Variants in SBF1 observed in about 807,000 individuals in gnomAD.
The protein encoded by SBF1 is myotubularin-related protein 5.
SBF1 carries 65 observed loss-of-function variants against 215.8 expected under a neutral mutation model. The ratio of observed to expected loss-of-function variants is 0.30; its 90% confidence interval spans 0.25 to 0.37. SBF1 has a LOEUF of 0.37. Among genes scored for constraint, SBF1 ranks in the 10% least tolerant of loss-of-function variants. SBF1 has a pLI of 1.00. For synonymous variants in SBF1, 1,410 were observed against 1,122.8 expected, an observed-to-expected ratio of 1.26 and a Z score of -5.11; for missense variants, 2,634 against 2,667.8, an observed-to-expected ratio of 0.99 and a Z score of 0.28.
intron 1 of SBF1, 112 bp downstream of exon 1, chr22:50,474,674 A>G: frequency 6.3e-6 from 3 of 475,356 alleles, no homozygotes; most frequent in Non-Finnish European, 8.7e-6. Context: ...CTCCCGACCC[A>G]GCCCCCAGCC....
chr22:50,459,455 G>A lies in SBF1; in HGVS notation c.3688+15C>T. On this transcript the variant is annotated intron_variant, in intron 27 of 40. Transcript: ENST00000380817. ...GATAGGGCAGGGCAGGCACAGGGCAGGACGCAGGAGGTACCTGGAGAAGGT... is the reference window on the plus strand; with the variant it reads ...GATAGGGCAGGGCAGGCACAGGGCAAGACGCAGGAGGTACCTGGAGAAGGT... The A allele has an allele frequency of 6.2e-7, 1 of 1,611,472 alleles. No individual in the cohort carries two copies. The highest frequency in any genetic ancestry group is 2.2e-5 in the East Asian group (1 of 44,878).
Position 50,467,801 on chromosome 22 carries a change from T to G in SBF1, c.264A>C (p.Pro88=), listed in dbSNP as rs1462610963. The G allele has an allele frequency of 1.2e-6, 2 of 1,613,942 alleles. No individual in the cohort carries two copies. Among genetic ancestry groups the G allele is most frequent in the South Asian group, 2.2e-5 (2 of 91,068 alleles). The change falls in exon 3 of 41, where the codon CCA becomes CCC. Residue 88 remains proline, a synonymous_variant. Transcript: ENST00000380817. ...HYCACLTFWE[P]AEPSQETTRV... is the part of the protein sequence containing the mutation. The stretch of plus-strand genomic sequence containing the variant: ...CCAAGCTGACCTGTGAAGGCTCCGC[T>G]GGCTCCCAGAAGGTCAAGCAGGCGC...
intron 1 of SBF1, among the ~76,000 whole-genome samples, chr22:50,471,440 T>G (rs1046385595): frequency 6.6e-6 from 1 of 152,178 alleles, no homozygotes; most frequent in Admixed American, 6.5e-5. Flanking sequence ...GGCCAGCGTG[T>G]GCTGTGGGGA....
At chr22:50,461,338 T>C in intron 22 of SBF1, 52 bp from the exon 23 acceptor site, 16 of 1,330,568 alleles carry the variant, frequency 1.2e-5, no homozygotes, top group South Asian at 3.2e-5. Context: ...GGGGGGGGGG[T>C]CCCAGAATCT....
intron 31 of SBF1, chr22:50,455,920 G>C (rs2067227884): frequency 3.6e-6 from 2 of 558,322 alleles, no homozygotes; most frequent in South Asian, 2.3e-5. Flanking sequence ...GAATGCAGCA[G>C]GGGCCCAGAA....
Position 50,459,458 on chromosome 22 carries a change from C to A in SBF1, c.3688+12G>T. The A allele has an allele frequency of 1.2e-6, 2 of 1,611,392 alleles. No homozygotes were observed. The highest frequency in any genetic ancestry group is 1.7e-6 in the Non-Finnish European group (2 of 1,179,706). ...AGGGCAGGGCAGGCACAGGGCAGGA[C>A]GCAGGAGGTACCTGGAGAAGGTGCG... On this transcript the variant is annotated intron_variant, in intron 27 of 40. Transcript: ENST00000380817.
intron 36 of SBF1, among the ~76,000 whole-genome samples, chr22:50,450,292 G>A (rs964836060): frequency 2.0e-5 from 3 of 152,158 alleles, no homozygotes; most frequent in East Asian, 1.9e-4. Flanking sequence ...AGGCCAATGC[G>A]GGTGGATAAC....
At position 50,466,648 on chromosome 22, in the gene SBF1, C is replaced by A. The variant is rs1487241952; in HGVS notation, c.612G>T (p.Leu204=). The A allele has an allele frequency of 1.3e-6, 2 of 1,551,960 alleles. No homozygotes were observed. The highest frequency in any genetic ancestry group is 8.7e-7 in the Non-Finnish European group (1 of 1,147,606). ...GGGCCACGCTGCAGCGGCTGACGGG[C>A]AGCGAGTCGGCCAGTGGAGTCTGGA... ...QVIQTPLADS[L]PVSRCSVALL... The change falls in exon 6 of 41, where the codon CTG becomes CTT. Residue 204 remains leucine, a synonymous_variant. Coordinates refer to ENST00000380817, the MANE Select transcript of SBF1 (RefSeq NM_002972.4).
chr22:50,474,963 T>C lies in SBF1; in HGVS notation c.-123A>G, dbSNP rs2068125824. The C allele has an allele frequency of 2.0e-6, 1 of 491,702 alleles. No homozygotes were observed. Among genetic ancestry groups the C allele is most frequent in the Non-Finnish European group, 2.6e-6 (1 of 389,190 alleles). The allele number at this position is 491,702 out of a possible 1,614,324, so 30.5% of individuals were successfully genotyped here. A position where few individuals can be genotyped will look rare whatever the true frequency, so the allele number is the denominator to read the frequency against. ...CGCACCCCGGACACCCCTGGTTCGC[T>C]CCGCGGCGGCGGCGGCGGCGGCGGC... On this transcript the variant is annotated 5_prime_UTR_variant, in exon 1 of 41. Coordinates refer to ENST00000380817, the MANE Select transcript of SBF1 (RefSeq NM_002972.4).
chr22:50,472,425 T>C (rs368833028), intron 1 of SBF1, among the ~76,000 whole-genome samples: 5 of 152,146 alleles, frequency 3.3e-5, no homozygotes, highest in Non-Finnish European at 7.4e-5. Context: ...CCTGAAGTCC[T>C]AGCCTGACAG....
intron 1 of SBF1, 139 bp downstream of exon 1, chr22:50,474,647 G>A (rs1426740454): frequency 1.7e-5 from 5 of 302,116 alleles, no homozygotes; most frequent in Non-Finnish European, 2.5e-5. Context: ...CTCAGCGCCC[G>A]GCCCTCAGTC....
chr22:50,452,723 CAAAAAAAAAAA>C (rs57951967), intron 36 of SBF1, among the ~76,000 whole-genome samples: 13 of 39,540 alleles, frequency 3.3e-4, no homozygotes, highest in African/African-American at 1.4e-3. Context: ...CTCCATCTCT[CAAAAAAAAAAA>C]AAAAAAAAAA....
At chr22:50,470,349 C>T (rs2067952482) in intron 1 of SBF1, among the ~76,000 whole-genome samples, 1 of 152,194 alleles carries the variant, frequency 6.6e-6, no homozygotes, top group Non-Finnish European at 1.5e-5. Flanking sequence ...GGCAGAGTGG[C>T]AGGTCACCAT....
At chr22:50,467,217 C>T (rs893398610) in intron 5 of SBF1, 121 bp downstream of exon 5, 13 of 774,584 alleles carry the variant, frequency 1.7e-5, no homozygotes, top group South Asian at 6.7e-5. Flanking sequence ...GGCACGAGGA[C>T]GCAAGAGGGA....
Position 50,446,823 on chromosome 22 carries a change from TTA to T in SBF1, c.*317_*318del, listed in dbSNP as rs757983848. 4.4e-6 allele frequency: 3 copies of T among 675,650 alleles called. No individual in the cohort carries two copies. The highest frequency in any genetic ancestry group is 8.3e-6 in the Non-Finnish European group (3 of 361,846). 41.9% of individuals were successfully genotyped at this position (675,650 alleles called of 1,614,324 possible). The stretch of plus-strand genomic sequence containing the variant: ...CAGGAGCGTGGCGTTAGTTCTCTCT[TTA>T]TATAGACTCTGGTTCTAGAAACTCG... On this transcript the variant is annotated 3_prime_UTR_variant, in exon 41 of 41. Transcript: ENST00000380817.
Position 50,456,500 on chromosome 22 carries a change from G to T in SBF1, c.4078C>A (p.Gln1360Lys). The stretch of plus-strand genomic sequence containing the variant: ...CCCCGCACCCCAGTCACCTTGAGCT[G>T]GGCTTTGTCCCCAAGGATATAGAGG... ...AALYILGDKA[Q>K]LKGVRSDPLQ... Residue 1360 changes from glutamine to lysine, a missense_variant, in exon 30 of 41, where the codon CAG (glutamine) becomes AAG (lysine). Gln to Lys is a moderately conservative substitution (Grantham distance 53). Coordinates refer to ENST00000380817, the MANE Select transcript of SBF1 (RefSeq NM_002972.4). The T allele has an allele frequency of 6.4e-7, 1 of 1,550,884 alleles. No individual in the cohort carries two copies. The highest frequency in any genetic ancestry group is 2.4e-5 in the East Asian group (1 of 42,408).
Position 50,446,990 on chromosome 22 carries a change from G to A in SBF1, c.*152C>T. 1.3e-6 allele frequency: 1 copy of A among 748,864 alleles called. No individual in the cohort carries two copies. The highest frequency in any genetic ancestry group is 2.3e-6 in the Non-Finnish European group (1 of 434,322). 46.4% of individuals were successfully genotyped at this position (748,864 alleles called of 1,614,324 possible). ...AAGTTAGGGCCGGCCGGGCGGGGCGGGGCGGGGACGGGGGCTGTACACACA... is the reference window on the plus strand; with the variant it reads ...AAGTTAGGGCCGGCCGGGCGGGGCGAGGCGGGGACGGGGGCTGTACACACA... On this transcript the variant is annotated 3_prime_UTR_variant, in exon 41 of 41. Transcript: ENST00000380817.
rs1429349942 is a variant in SBF1 at position 50,454,632 on chromosome 22, A to G, written c.4923T>C (p.Pro1641=). The change falls in exon 36 of 41, where the codon CCT becomes CCC. Residue 1641 remains proline, a synonymous_variant. Transcript: ENST00000380817. ...PYDWELAQGP[P]EPPEEERSDG... ...CAGACCGTTCTTCCTCTGGGGGTTC[A>G]GGGGGCCCCTGGGCCAGTTCCCAGT... The G allele has an allele frequency of 6.2e-7, 1 of 1,601,494 alleles. No homozygotes were observed. Among genetic ancestry groups the G allele is most frequent in the South Asian group, 1.1e-5 (1 of 89,560 alleles).
Position 50,464,541 on chromosome 22 carries a change from G to A in SBF1, c.1629C>T (p.Pro543=), listed in dbSNP as rs938465006. 19 of 1,609,674 alleles carry A rather than the reference G, an allele frequency of 1.2e-5. No homozygotes were observed. The African/African-American group carries it at 2.4e-4, about 20-fold the overall frequency. ...CCCTCCCTCATTACGCACTCATGGG[G>A]GGCCCTGAGGGCACGGTGGTCCTCC... ...AERRTTVPSG[P]PMTAILERCS... Residue 543 remains proline (P), a synonymous_variant, in exon 14 of 41, where the codon CCC becomes CCT. Transcript: ENST00000380817.
Sources: gnomAD v4.1 joint callset for allele counts (sites outside exome capture counted in the v4.1 genomes callset) on GRCh38, gnomAD v4.1.1 for gene constraint, MANE v1.5 for transcripts, NCBI Gene and HGNC (gene_info 2026-07-23, HGNC 2026-07-21) for gene names.